Variants in TNNI3K observed in about 807,000 individuals in gnomAD.
The protein encoded by TNNI3K is serine/threonine-protein kinase TNNI3K.
In TNNI3K, 140 loss-of-function variants were observed where a neutral mutation model predicts 114.5. The observed-to-expected ratio is 1.22, with a 90% confidence interval of 1.07 to 1.41. The LOEUF (loss-of-function observed/expected upper bound fraction) is 1.41, where lower values mean the gene tolerates loss of function less well. Among genes scored for constraint, TNNI3K ranks in the 40% most tolerant of loss-of-function variants. The pLI, the probability that TNNI3K is intolerant of heterozygous loss-of-function variation, is 0.00. For synonymous variants in TNNI3K, 347 were observed against 347.5 expected, an observed-to-expected ratio of 1.00 and a Z score of 0.02; for missense variants, 1,125 against 1,007.6, an observed-to-expected ratio of 1.12 and a Z score of -1.58.
intron 20 of TNNI3K, among the ~76,000 whole-genome samples, chr1:74,445,976 T>C (rs1666648316): frequency 6.6e-6 from 1 of 152,190 alleles, no homozygotes. Context: ...TCTTTGCTAG[T>C]GTGAATAATG....
At position 74,243,329 on chromosome 1, in the gene TNNI3K, A is replaced by C. The variant is rs185004386; in HGVS notation, c.150-6130A>C. 9.2e-5 allele frequency among the ~76,000 whole-genome samples: 14 copies of C among 152,242 alleles called. No homozygotes were observed. The East Asian group carries it at 2.3e-3, about 25-fold the overall frequency. On this transcript the variant is annotated intron_variant, in intron 2 of 24. Coordinates refer to ENST00000326637, the MANE Select transcript of TNNI3K (RefSeq NM_015978.3). The stretch of plus-strand genomic sequence containing the variant: ...GATCTTATTGATATAGTCTGCTTCT[A>C]TTGTTTGGAGGGCATGGGGCAGGGA...
At chr1:74,244,586 GTA>G (rs1179110339) in intron 2 of TNNI3K, among the ~76,000 whole-genome samples, 1 of 150,264 alleles carries the variant, frequency 6.7e-6, no homozygotes, top group Non-Finnish European at 1.5e-5. Context: ...GCTGATCAGA[GTA>G]TTAGATATCA....
intron 7 of TNNI3K, 66 bp from the exon 8 acceptor site, chr1:74,342,776 T>C: frequency 6.3e-7 from 1 of 1,581,424 alleles, no homozygotes; most frequent in East Asian, 2.2e-5. Context: ...CATGATACTA[T>C]ACATATGAAG....
intron 17 of TNNI3K, among the ~76,000 whole-genome samples, chr1:74,392,026 CAG>C: frequency 7.6e-6 from 1 of 131,416 alleles, no homozygotes; most frequent in South Asian, 2.4e-4. Context: ...AGTGCAGTGG[CAG>C]GATCTTGGCT....
Position 74,271,701 on chromosome 1 carries a change from A to G in TNNI3K, c.437A>G (p.His146Arg), listed in dbSNP as rs1199281703. The G allele has an allele frequency of 6.2e-7, 1 of 1,606,130 alleles. No individual in the cohort carries two copies. Among genetic ancestry groups the G allele is most frequent in the Non-Finnish European group, 8.5e-7 (1 of 1,175,596 alleles). Residue 146 changes from histidine (H) to arginine (R), a missense_variant, in exon 5 of 25, where the codon CAC becomes CGC. Coordinates refer to ENST00000326637, the MANE Select transcript of TNNI3K (RefSeq NM_015978.3). ...CTCCATATTGCTACAATAGCTGGCC[A>G]CCTAGAGGTAAGTCATGCCTTTGGC... The part of the protein sequence containing the change: ...TALHIATIAG[H>R]LEAADVLLQH...
chr1:74,258,312 A>G (rs1175688441), intron 4 of TNNI3K, among the ~76,000 whole-genome samples: 1 of 152,170 alleles, frequency 6.6e-6, no homozygotes, highest in Non-Finnish European at 1.5e-5. Flanking sequence ...CTCCACAAAT[A>G]CAGCCCCTTC....
At chr1:74,474,338 G>A (rs1464934525) in intron 21 of TNNI3K, among the ~76,000 whole-genome samples, 1 of 152,170 alleles carries the variant, frequency 6.6e-6, no homozygotes, top group Non-Finnish European at 1.5e-5. Flanking sequence ...CCTCTGTTGT[G>A]TGAAATCATC....
intron 23 of TNNI3K, among the ~76,000 whole-genome samples, chr1:74,510,340 A>G (rs1020712139): frequency 1.3e-5 from 2 of 152,032 alleles, no homozygotes; most frequent in African/African-American, 4.8e-5. Context: ...CCCCGTCTCT[A>G]CTAAAAATAC....
intron 17 of TNNI3K, among the ~76,000 whole-genome samples, chr1:74,379,588 C>A (rs1663092929): frequency 6.6e-6 from 1 of 152,060 alleles, no homozygotes; most frequent in African/African-American, 2.4e-5. Context: ...TCCTCAGCAA[C>A]CTGAACCTCC....
intron 17 of TNNI3K, among the ~76,000 whole-genome samples, chr1:74,382,164 A>G (rs188151806): frequency 3.5e-4 from 53 of 152,274 alleles, no homozygotes; most frequent in Non-Finnish European, 1.5e-4. Context: ...TCATCCTATC[A>G]CACCTTTTTG....
At chr1:74,314,589 T>C (rs181940370) in intron 5 of TNNI3K, among the ~76,000 whole-genome samples, 3 of 152,288 alleles carry the variant, frequency 2.0e-5, no homozygotes, top group Admixed American at 2.0e-4. Context: ...CATTAAGTCA[T>C]GCAGGAAGTC....
At chr1:74,530,529 A>G (rs1646568018) in intron 23 of TNNI3K, among the ~76,000 whole-genome samples, 1 of 152,144 alleles carries the variant, frequency 6.6e-6, no homozygotes, top group Non-Finnish European at 1.5e-5. Context: ...AATAAAAATA[A>G]AAATCATCAA....
At chr1:74,424,415 T>C (rs1665532390) in intron 17 of TNNI3K, among the ~76,000 whole-genome samples, 1 of 151,844 alleles carries the variant, frequency 6.6e-6, no homozygotes, top group African/African-American at 2.4e-5. Flanking sequence ...AGAATATTGA[T>C]TATAAAGAAG....
chr1:74,399,025 G>A lies in TNNI3K; in HGVS notation c.1772+28633G>A, dbSNP rs112938246. On this transcript the variant is annotated intron_variant, in intron 17 of 24. Coordinates refer to ENST00000326637, the MANE Select transcript of TNNI3K (RefSeq NM_015978.3). ...ACAAAAATTAGCCAGGCATGGTGGC[G>A]GGCGCCTGTAATCCCAGCTACTCAG... Among the ~76,000 whole-genome samples the A allele has an allele frequency of 3.3e-3, 505 of 151,556 alleles. 3 individuals are homozygous for A. Among genetic ancestry groups the A allele is most frequent in the Non-Finnish European group, 4.8e-3 (323 of 67,788 alleles).
intron 21 of TNNI3K, chr1:74,480,851 A>G (rs1668460870): frequency 2.8e-6 from 2 of 717,394 alleles, no homozygotes; most frequent in Non-Finnish European, 5.2e-6. Context: ...AACATCCTCG[A>G]TACCATTTCT....
In TNNI3K at chr1:74,283,714, A is replaced by G. The variant is rs145850513; in HGVS notation, c.444+12006A>G. Among the ~76,000 whole-genome samples, 436 of 152,256 alleles carry G rather than the reference A, an allele frequency of 2.9e-3. 1 individual carries two copies. Among genetic ancestry groups the G allele is most frequent in the African/African-American group, 9.8e-3 (409 of 41,554 alleles). ...TGTGTTAATTTGCATCCTTATGTCA[A>G]TCTTTCTATGCACTGAATTTGCTTC... On this transcript the variant is annotated intron_variant, in intron 5 of 24. Coordinates refer to ENST00000326637, the MANE Select transcript of TNNI3K (RefSeq NM_015978.3).
chr1:74,463,273 C>G (rs1005231231), intron 20 of TNNI3K, among the ~76,000 whole-genome samples, 168 bp from the exon 21 acceptor site: 1 of 152,212 alleles, frequency 6.6e-6, no homozygotes, highest in Non-Finnish European at 1.5e-5. Context: ...ATCAAATTAT[C>G]CATCACTTTC....
intron 21 of TNNI3K, chr1:74,469,737 T>C: frequency 2.5e-6 from 1 of 395,546 alleles, no homozygotes; most frequent in Non-Finnish European, 4.5e-6. Context: ...GGTTTTATTT[T>C]ATTGATAACA....
intron 4 of TNNI3K, among the ~76,000 whole-genome samples, chr1:74,260,860 G>A (rs2100870722): frequency 6.6e-6 from 1 of 152,074 alleles, no homozygotes; most frequent in South Asian, 2.1e-4. Context: ...ACACATATAT[G>A]TGTTCATAAA....
Sources: allele counts gnomAD v4.1 joint callset (sites outside exome capture counted in the v4.1 genomes callset), GRCh38; gene constraint gnomAD v4.1.1; transcripts MANE v1.5; gene names NCBI Gene and HGNC (gene_info 2026-07-23, HGNC 2026-07-21).